The following SLC44A3 variants were observed in gnomAD, a reference collection of about 807,000 sequenced individuals.
The protein encoded by SLC44A3 is choline transporter-like protein 3.
In SLC44A3, 74 loss-of-function variants were observed where a neutral mutation model predicts 75.4. The ratio of observed to expected loss-of-function variants is 0.98; its 90% CI spans 0.81 to 1.19. The LOEUF is 1.19. SLC44A3 is among the 50% of genes most tolerant of loss of function. The probability of loss-of-function intolerance (pLI) is 0.00; values close to 1 mark genes in which losing one functional copy is unlikely to be tolerated. For synonymous variants in SLC44A3, 310 were observed against 296.9 expected, an observed-to-expected ratio of 1.04 and a Z score of -0.45; for missense variants, 700 against 778.6, an observed-to-expected ratio of 0.90 and a Z score of 1.20.
At position 94,827,552 on chromosome 1, in the gene SLC44A3, G is replaced by A. The variant is rs372650012; in HGVS notation, c.324G>A (p.Thr108=). 2.5e-5 allele frequency: 41 copies of A among 1,614,056 alleles called. No individual in the cohort carries two copies. The highest frequency in any genetic ancestry group is 1.6e-4 in the Middle Eastern group (1 of 6,084). The change falls in exon 4 of 15, where the codon ACG becomes ACA. Residue 108 remains threonine, a synonymous_variant. Transcript: ENST00000271227. ...CCTGCAACCTGGAAGTCAAAGGTAC[G>A]CAGCTCAACCGCATGGCCCTCTGTG... The part of the protein sequence containing the change: ...MNSCNLEVKG[T]QLNRMALCVS...
At chr1:94,821,126 A>C in intron 2 of SLC44A3, 70 bp downstream of exon 2, 2 of 194,940 alleles carry the variant, frequency 1.0e-5, no homozygotes, top group Admixed American at 2.2e-4. Context: ...TCTGTCCCAA[A>C]TGTAAATCGT....
At chr1:94,885,989 G>A (rs1174748441) in intron 12 of SLC44A3, among the ~76,000 whole-genome samples, 1 of 152,168 alleles carries the variant, frequency 6.6e-6, no homozygotes, top group Admixed American at 6.5e-5. Context: ...GGCATCCACC[G>A]AGGTGGGGGT....
intron 5 of SLC44A3, 54 bp from the exon 6 acceptor site, chr1:94,837,657 T>G (rs1662998607): frequency 6.7e-7 from 1 of 1,501,002 alleles, no homozygotes; most frequent in Non-Finnish European, 8.9e-7. Context: ...TAAACATCTT[T>G]TAAAGATAAA....
At position 94,845,431 on chromosome 1, in the gene SLC44A3, T is replaced by G; in HGVS notation, c.1039T>G (p.Trp347Gly). 1 of 1,613,440 alleles carries G rather than the reference T, an allele frequency of 6.2e-7. No homozygotes were observed. Among genetic ancestry groups the G allele is most frequent in the Non-Finnish European group, 8.5e-7 (1 of 1,179,986 alleles). Residue 347 changes from tryptophan (W) to glycine (G), a missense_variant, in exon 9 of 15, where the codon TGG (tryptophan) becomes GGG (glycine). Physicochemically the swap from Trp to Gly is radical, Grantham distance 184. Coordinates refer to ENST00000271227, the MANE Select transcript of SLC44A3 (RefSeq NM_001114106.3). ...FAILIFFWVL[W>G]VAVLLSLGTA... ...CATCCTCATTTTCTTCTGGGTCCTCTGGGTGGCTGTGCTGCTGAGCCTGGG... is the reference window on the plus strand; with the variant it reads ...CATCCTCATTTTCTTCTGGGTCCTCGGGGTGGCTGTGCTGCTGAGCCTGGG...
In SLC44A3 at chr1:94,842,007, C is replaced by A; in HGVS notation, c.768C>A (p.Cys256Ter). ...TACTGTTCTCTTTTCTAGTTGTCTG[C>A]GGTGTTTTATGGTGGCTGTATTATG... ...SLVILGLLFV[C>*]GVLWWLYYDY... The change falls in exon 8 of 15, where the codon TGC (cysteine) becomes TGA (stop). Residue 256 changes from cysteine to a stop codon, truncating the protein, a stop_gained. Transcript: ENST00000271227. LOFTEE classifies it high-confidence loss of function. 1 of 1,609,094 alleles carries A rather than the reference C, an allele frequency of 6.2e-7. No individual in the cohort carries two copies. Among genetic ancestry groups the A allele is most frequent in the African/African-American group, 1.3e-5 (1 of 74,674 alleles).
intron 14 of SLC44A3, 62 bp from the exon 15 acceptor site, chr1:94,894,756 C>T: frequency 7.2e-7 from 1 of 1,396,554 alleles, no homozygotes; most frequent in Non-Finnish European, 9.9e-7. Context: ...TTTCCCTCGG[C>T]CCCTACGTTA....
rs1311520981 is a variant in SLC44A3 at position 94,894,677 on chromosome 1, C to T, written c.1858-141C>T. 1.5e-5 allele frequency: 10 copies of T among 647,660 alleles called. No individual in the cohort carries two copies. The South Asian group carries it at 2.0e-4, about 13-fold the overall frequency. 40.1% of individuals were successfully genotyped at this position (647,660 alleles called of 1,614,324 possible). ...TTCTCCCCTGTGCTACTTTATATGC[C>T]ATTTCTCCTGTTAATCTGCCTTTTG... On this transcript the variant is annotated intron_variant, in intron 14 of 14. Coordinates refer to ENST00000271227, the MANE Select transcript of SLC44A3 (RefSeq NM_001114106.3).
intron 10 of SLC44A3, among the ~76,000 whole-genome samples, 170 bp downstream of exon 10, chr1:94,857,670 G>A (rs991289121): frequency 6.6e-6 from 1 of 152,130 alleles, no homozygotes; most frequent in African/African-American, 2.4e-5. Context: ...GTGGTGAGAA[G>A]AAATATTACA....
At chr1:94,827,486 T>A in intron 3 of SLC44A3, 21 bp from the exon 4 acceptor site, 1 of 1,614,132 alleles carries the variant, frequency 6.2e-7, no homozygotes, top group South Asian at 1.1e-5. Context: ...AACACATTCT[T>A]CTGTTTCATC....
chr1:94,842,749 C>G (rs907516101), intron 8 of SLC44A3, among the ~76,000 whole-genome samples: 5 of 152,220 alleles, frequency 3.3e-5, no homozygotes, highest in African/African-American at 1.2e-4. Flanking sequence ...CTTCAGGTCC[C>G]CCAGAGTCGT....
intron 12 of SLC44A3, among the ~76,000 whole-genome samples, chr1:94,871,108 C>T (rs1667723212): frequency 6.6e-6 from 1 of 152,184 alleles, no homozygotes; most frequent in Admixed American, 6.5e-5. Context: ...AAGCCCTTAA[C>T]CACTGTGCAT....
chr1:94,824,629 T>C lies in SLC44A3; in HGVS notation c.272T>C (p.Leu91Pro). 1.3e-6 allele frequency: 2 copies of C among 1,577,880 alleles called. No individual in the cohort carries two copies. The highest frequency in any genetic ancestry group is 1.7e-6 in the Non-Finnish European group (2 of 1,167,902). The change falls in exon 3 of 15, where the codon CTA becomes CCA. Residue 91 changes from leucine to proline, a missense_variant. Transcript: ENST00000271227. ...GAPLSGQDMT[L>P]KKHVFFMNSC... is the part of the protein sequence containing the mutation. ...CCTCTTTCAGGGCAGGACATGACCC[T>C]AAAAAAGTAAGTATCTAAATAAGTC...
chr1:94,845,732 A>T (rs1435923178), intron 9 of SLC44A3, among the ~76,000 whole-genome samples: 1 of 152,232 alleles, frequency 6.6e-6, no homozygotes, highest in East Asian at 1.9e-4. Flanking sequence ...CTACAATATG[A>T]ACAAAGGCCA....
chr1:94,882,091 C>T (rs549494543), intron 12 of SLC44A3, among the ~76,000 whole-genome samples: 1 of 152,326 alleles, frequency 6.6e-6, no homozygotes, highest in East Asian at 1.9e-4. Flanking sequence ...TGAGTTGGCC[C>T]AGTATGCCAG....
chr1:94,880,222 C>T (rs1668798067), intron 12 of SLC44A3, among the ~76,000 whole-genome samples: 1 of 152,210 alleles, frequency 6.6e-6, no homozygotes, highest in South Asian at 2.1e-4. Context: ...ACTTGCACAC[C>T]TGTGTTCATC....
chr1:94,891,139 A>G lies in SLC44A3; in HGVS notation c.1492A>G (p.Thr498Ala). The G allele has an allele frequency of 1.2e-6, 2 of 1,604,668 alleles. No individual in the cohort carries two copies. Among genetic ancestry groups the G allele is most frequent in the South Asian group, 2.2e-5 (2 of 89,682 alleles). The change falls in exon 13 of 15, where the codon ACT becomes GCT. Residue 498 changes from threonine to alanine, a missense_variant. Thr to Ala is a moderately conservative substitution (Grantham distance 58). Transcript: ENST00000271227. ...TTCTCTTCTGTTTCAGAATGCATAT[A>G]CTACAACTGCTATTAATGGGACAGA... ...YLLHLNQNAY[T>A]TTAINGTDFC...
chr1:94,850,098 A>C (rs1665010033), intron 9 of SLC44A3, among the ~76,000 whole-genome samples: 1 of 152,136 alleles, frequency 6.6e-6, no homozygotes, highest in Non-Finnish European at 1.5e-5. Context: ...AAAAAATAGG[A>C]GTGAACTTGG....
chr1:94,848,926 C>G (rs574093883), intron 9 of SLC44A3, among the ~76,000 whole-genome samples: 2 of 152,082 alleles, frequency 1.3e-5, no homozygotes, highest in South Asian at 4.1e-4. Context: ...AAGGGGGATG[C>G]AGCAGAAGTC....
chr1:94,833,930 T>G (rs888221878), intron 5 of SLC44A3, among the ~76,000 whole-genome samples: 1 of 152,144 alleles, frequency 6.6e-6, no homozygotes, highest in Non-Finnish European at 1.5e-5. Context: ...AAGGAGCTGA[T>G]GTGAGTAACT....
Sources: allele counts gnomAD v4.1 joint callset (sites outside exome capture counted in the v4.1 genomes callset), GRCh38; gene constraint gnomAD v4.1.1; transcripts MANE v1.5; gene names NCBI Gene and HGNC (gene_info 2026-07-23, HGNC 2026-07-21).